AGO1: variants seen among roughly 807,000 people sequenced by gnomAD.
AGO1 encodes protein argonaute-1.
In AGO1, 11 loss-of-function variants were observed where a neutral mutation model predicts 109.2. That is an observed-to-expected ratio of 0.10 (90% CI 0.06 to 0.17). The LOEUF is 0.17. Ranked by LOEUF, AGO1 falls within the 10% of genes least tolerant of loss-of-function variation. The pLI is 1.00. For missense variants in AGO1, 574 were observed against 1,140.3 expected, an observed-to-expected ratio of 0.50 and a Z score of 7.15; for synonymous variants, 422 against 418.6, an observed-to-expected ratio of 1.01 and a Z score of -0.10.
At chr1:35,876,570 A>T (rs1644994927) in intron 1 of AGO1, among the ~76,000 whole-genome samples, 1 of 152,114 alleles carries the variant, frequency 6.6e-6, no homozygotes, top group Admixed American at 6.6e-5. Context: ...CCGGCTGGAA[A>T]TCCTTCTTAT....
chr1:35,877,447 A>T (rs1466023829), intron 1 of AGO1, among the ~76,000 whole-genome samples: 1 of 152,060 alleles, frequency 6.6e-6, no homozygotes, highest in South Asian at 2.1e-4. Context: ...GTTTAAGTAG[A>T]TATCTCTTCT....
At position 35,929,496 on chromosome 1, in the gene AGO1, AG is replaced by A. The variant is rs1329329536; in HGVS notation, c.*9893del. Reference sequence around the variant, plus strand: ...TTTAGGGAACCGGTTCCAGAATCAGAGGGGTTGAGGATATAAAAGACCCTTG... The same window carrying A: ...TTTAGGGAACCGGTTCCAGAATCAGAGGGTTGAGGATATAAAAGACCCTTG... On this transcript the variant is annotated 3_prime_UTR_variant, in exon 19 of 19. Coordinates refer to ENST00000373204, the MANE Select transcript of AGO1 (RefSeq NM_012199.5). The A allele has an allele frequency of 2.0e-5, 3 of 152,344 alleles. No individual in the cohort carries two copies. In the East Asian group the frequency reaches 5.8e-4, roughly 29 times the overall value. The allele number at this position is 152,344 out of a possible 1,614,324, so 9.4% of individuals were successfully genotyped here.
Position 35,883,571 on chromosome 1 carries a change from C to A in AGO1, c.25+125C>A. 7.4e-7 allele frequency: 1 copy of A among 1,356,968 alleles called. No individual in the cohort carries two copies. The highest frequency in any genetic ancestry group is 9.6e-7 in the Non-Finnish European group (1 of 1,041,314). 84.1% of individuals were successfully genotyped at this position (1,356,968 alleles called of 1,614,324 possible). ...GAGAAGGGCTCTCCCACGATGGGGGCCCAGTTTGAAGGAGGCTGTGTGCAG... is the reference window on the plus strand; with the variant it reads ...GAGAAGGGCTCTCCCACGATGGGGGACCAGTTTGAAGGAGGCTGTGTGCAG... On this transcript the variant is annotated intron_variant, in intron 1 of 18. Transcript: ENST00000373204. This position sits in a 1 kb window ranked among gnomAD's most constrained non-coding sequence, Gnocchi z 5.4.
chr1:35,927,134 GGTTT>G lies in AGO1; in HGVS notation c.*7533_*7536del, dbSNP rs1645945883. 1 of 151,890 alleles carries G rather than the reference GGTTT, an allele frequency of 6.6e-6. No individual in the cohort carries two copies. Among genetic ancestry groups the G allele is most frequent in the African/African-American group, 2.4e-5 (1 of 41,350 alleles). 9.4% of individuals were successfully genotyped at this position (151,890 alleles called of 1,614,324 possible). The stretch of plus-strand genomic sequence containing the variant: ...GAGAGTGAGCTGCAAAAGGAGGAAG[GGTTT>G]GTTTGGGTACTTTGAAGTACTTAGC... On this transcript the variant is annotated 3_prime_UTR_variant, in exon 19 of 19. Transcript: ENST00000373204.
chr1:35,870,673 AT>A (rs1644942836), intron 1 of AGO1, among the ~76,000 whole-genome samples: 1 of 152,074 alleles, frequency 6.6e-6, no homozygotes, highest in Non-Finnish European at 1.5e-5. Flanking sequence ...AATGAATATT[AT>A]TTTTACCCTT....
chr1:35,900,588 A>G (rs959341262), intron 8 of AGO1, among the ~76,000 whole-genome samples: 1 of 152,172 alleles, frequency 6.6e-6, no homozygotes, highest in African/African-American at 2.4e-5. Context: ...TTAGCCGGGC[A>G]TGGTAGCACA....
In AGO1 at chr1:35,894,087, G is replaced by A. The variant is rs1255631567; in HGVS notation, c.700G>A (p.Glu234Lys). The A allele has an allele frequency of 6.3e-7, 1 of 1,584,140 alleles. No individual in the cohort carries two copies. Among genetic ancestry groups the A allele is most frequent in the Non-Finnish European group, 8.6e-7 (1 of 1,166,654 alleles). ...KAQPVIEFMC[E>K]VLDIRNIDEQ... ...ACAGCCAGTGATTGAGTTCATGTGT[G>A]AGGTGCTGGACATCAGGAACATAGA... The change falls in exon 6 of 19, where the codon GAG becomes AAG. Residue 234 changes from glutamate to lysine, a missense_variant. By Grantham distance (56) the Glu-to-Lys change is moderately conservative. Around this residue, in one of 8 missense-constraint regions of AGO1, gnomAD observed 129 missense variants for 243.0 expected, o/e 0.53. Transcript: ENST00000373204.
chr1:35,893,884 C>G lies in AGO1; in HGVS notation c.649+74C>G. Reference sequence around the variant, plus strand: ...ACACTCCCAGCCTCATCCCTCCCAGCTCTGCAACCACACTCCTAGTCTAAT... The same window carrying G: ...ACACTCCCAGCCTCATCCCTCCCAGGTCTGCAACCACACTCCTAGTCTAAT... On this transcript the variant is annotated intron_variant, in intron 5 of 18. Transcript: ENST00000373204. The surrounding 1 kb of genome is among the most constrained non-coding windows in gnomAD (Gnocchi z 5.6). The G allele has an allele frequency of 1.3e-6, 2 of 1,559,210 alleles. No homozygotes were observed. The highest frequency in any genetic ancestry group is 1.7e-6 in the Non-Finnish European group (2 of 1,147,928).
At chr1:35,918,486 C>G in intron 17 of AGO1, 63 bp downstream of exon 17, 1 of 1,234,310 alleles carries the variant, frequency 8.1e-7, no homozygotes, top group Non-Finnish European at 1.2e-6. Context: ...CATATTGCCT[C>G]TAGAATGTAT....
chr1:35,887,018 C>T (rs1645132006), intron 1 of AGO1, among the ~76,000 whole-genome samples: 1 of 152,118 alleles, frequency 6.6e-6, no homozygotes, highest in Admixed American at 6.5e-5. Flanking sequence ...CAATTTCTGT[C>T]CAGCACTTTC....
At chr1:35,869,896 A>G (rs901354229) in exon 1 of AGO1, 4 of 152,204 alleles carry the variant, frequency 2.6e-5, no homozygotes, top group Admixed American at 1.3e-4. Flanking sequence ...TTGGAGGACT[A>G]TATTCAGGCA....
rs1645858678 is a variant in AGO1 at position 35,922,825 on chromosome 1, G to T, written c.*3218G>T. The T allele has an allele frequency of 6.6e-6, 1 of 152,290 alleles. No individual in the cohort carries two copies. The highest frequency in any genetic ancestry group is 6.5e-5 in the Admixed American group (1 of 15,276). The allele number at this position is 152,290 out of a possible 1,614,324, so 9.4% of individuals were successfully genotyped here. On this transcript the variant is annotated 3_prime_UTR_variant, in exon 19 of 19. Transcript: ENST00000373204. ...ACCTGCCCAACTTGTGTGAAGTCAG[G>T]AGGGTTTCTGGCATTTTCCACACCT...
At chr1:35,873,176 C>G (rs757907815) in intron 1 of AGO1, 1 of 152,030 alleles carries the variant, frequency 6.6e-6, no homozygotes, top group Non-Finnish European at 1.5e-5. Context: ...TCTGATCACC[C>G]CATCTCCCAA....
chr1:35,903,800 T>C (rs1571360503), intron 11 of AGO1, among the ~76,000 whole-genome samples: 1 of 151,596 alleles, frequency 6.6e-6, no homozygotes. Flanking sequence ...CCGTCTCTAC[T>C]AAAAATACAA....
intron 1 of AGO1, chr1:35,869,935 G>A (rs1330405557): frequency 6.6e-6 from 1 of 152,242 alleles, no homozygotes; most frequent in Non-Finnish European, 1.5e-5. Flanking sequence ...GCATTTTAAA[G>A]CAGCAGTTTG....
intron 13 of AGO1, 55 bp downstream of exon 13, chr1:35,914,056 G>C: frequency 6.2e-7 from 1 of 1,609,012 alleles, no homozygotes; most frequent in Non-Finnish European, 8.5e-7. Flanking sequence ...GGGAATTGAT[G>C]AAGAGATAGG....
intron 8 of AGO1, among the ~76,000 whole-genome samples, chr1:35,899,504 A>G (rs1407671003): frequency 2.6e-5 from 4 of 152,206 alleles, no homozygotes; most frequent in Admixed American, 2.6e-4. Context: ...CAAGTATTCT[A>G]ATTTCACCAC....
rs1645065590 is a variant in AGO1, at chr1:35,883,522, G to C, written c.25+76G>C. The C allele has an allele frequency of 6.8e-7, 1 of 1,469,404 alleles. No individual in the cohort carries two copies. The allele number at this position is 1,469,404 out of a possible 1,614,324, so 91.0% of individuals were successfully genotyped here. ...CCCGCATGAAAAGCGTGGTTTCCAA[G>C]TGATGGAAGCGCTCCTGAGTGAGGA... is the stretch of plus-strand genomic sequence containing the variant. On this transcript the variant is annotated intron_variant, in intron 1 of 18. Transcript: ENST00000373204. This position sits in a 1 kb window ranked among gnomAD's most constrained non-coding sequence, Gnocchi z 5.4.
At chr1:35,877,318 C>A (rs1645000522) in intron 1 of AGO1, among the ~76,000 whole-genome samples, 1 of 152,214 alleles carries the variant, frequency 6.6e-6, no homozygotes, top group African/African-American at 2.4e-5. Context: ...AATATTACTA[C>A]TGATAGTTCC....
Sources: gnomAD v4.1 joint callset for allele counts (sites outside exome capture counted in the v4.1 genomes callset) on GRCh38, gnomAD v4.1.1 for gene constraint, gnomAD v4.1.1 regional missense constraint, Gnocchi (gnomAD v3.1) non-coding constraint, MANE v1.5 for transcripts, NCBI Gene and HGNC (gene_info 2026-07-23, HGNC 2026-07-21) for gene names.